Variants in GALNT9 observed in about 807,000 individuals in gnomAD.
The protein encoded by GALNT9 is polypeptide N-acetylgalactosaminyltransferase 9.
A neutral mutation model predicts 63.1 loss-of-function variants in GALNT9; 47 were observed. The ratio of observed to expected loss-of-function variants is 0.75; its 90% CI spans 0.59 to 0.95. GALNT9 has a LOEUF of 0.95. Among genes scored for constraint, GALNT9 ranks in the 40% least tolerant of loss-of-function variants. The pLI, the probability that GALNT9 is intolerant of heterozygous loss-of-function variation, is 0.00. For missense variants in GALNT9, 829 were observed against 874.8 expected (o/e 0.95, Z 0.66); for synonymous variants, 396 against 365.7 (o/e 1.08, Z -0.94).
intron 1 of GALNT9, among the ~76,000 whole-genome samples, chr12:132,294,100 C>G (rs572435051): frequency 3.3e-4 from 50 of 152,364 alleles, no homozygotes; most frequent in African/African-American, 1.1e-3. Context: ...GCTGACAGTA[C>G]TTTGATATCC....
At position 132,305,805 on chromosome 12, in the gene GALNT9, G is replaced by A. The variant is rs996302788; in HGVS notation, c.239-19375C>T. 5.9e-5 allele frequency among the ~76,000 whole-genome samples: 9 copies of A among 152,336 alleles called. No individual in the cohort carries two copies. The East Asian group carries it at 1.4e-3, about 23-fold the overall frequency. ...CCAGTGAGGCCCTCGGGTGGAGAGC[G>A]CGGCCCGAGTGCAGATGTGAGTGCC... On this transcript the variant is annotated intron_variant, in intron 1 of 10. Transcript: ENST00000328957.
intron 10 of GALNT9, 33 bp downstream of exon 10, chr12:132,197,759 C>A (rs1218637828): frequency 1.4e-6 from 2 of 1,403,158 alleles, no homozygotes; most frequent in Non-Finnish European, 2.0e-6. Flanking sequence ...TGCCCCGCCC[C>A]AACCCCACGG....
intron 7 of GALNT9, among the ~76,000 whole-genome samples, chr12:132,201,843 C>A (rs1293371937): frequency 6.6e-6 from 1 of 152,230 alleles, no homozygotes; most frequent in Non-Finnish European, 1.5e-5. Context: ...GACCCGTGTC[C>A]TCTGCCGTGA....
At chr12:132,269,909 C>G (rs1879805900) in intron 2 of GALNT9, among the ~76,000 whole-genome samples, 1 of 152,232 alleles carries the variant, frequency 6.6e-6, no homozygotes, top group African/African-American at 2.4e-5. Context: ...TAGGCCCAGC[C>G]TGTTCTACAA....
chr12:132,221,841 C>A (rs966548972), intron 6 of GALNT9, among the ~76,000 whole-genome samples: 29 of 152,052 alleles, frequency 1.9e-4, no homozygotes, highest in African/African-American at 6.0e-4. Flanking sequence ...GTAAATGCAA[C>A]CCGCACTTGC....
At chr12:132,291,728 C>G (rs77759977) in intron 1 of GALNT9, among the ~76,000 whole-genome samples, 4 of 145,816 alleles carry the variant, frequency 2.7e-5, no homozygotes, top group Admixed American at 7.0e-5. Context: ...ACAGCACCCA[C>G]GTCCACACCT....
chr12:132,230,153 C>T (rs1877837599), intron 6 of GALNT9, among the ~76,000 whole-genome samples: 1 of 152,130 alleles, frequency 6.6e-6, no homozygotes, highest in African/African-American at 2.4e-5. Context: ...GGAAGCCCAG[C>T]TGTGGAGAGG....
chr12:132,243,832 A>T (rs2136906022), intron 6 of GALNT9, among the ~76,000 whole-genome samples: 1 of 152,216 alleles, frequency 6.6e-6, no homozygotes, highest in Middle Eastern at 3.4e-3. Flanking sequence ...CCACCCGTCA[A>T]TCACCCATCA....
In GALNT9 at chr12:132,204,570, G is replaced by A. The variant is rs541251918; in HGVS notation, c.1078-880C>T. Among the ~76,000 whole-genome samples, 10 of 152,226 alleles carry A rather than the reference G, an allele frequency of 6.6e-5. No individual in the cohort carries two copies. In the South Asian group the frequency reaches 1.2e-3, roughly 19 times the overall value. ...CTTCAGGCTTGGAGCTCACGCCACC[G>A]GCTCTCCTGGGCGCCTGCCAGCCGA... On this transcript the variant is annotated intron_variant, in intron 6 of 10. Transcript: ENST00000328957.
intron 6 of GALNT9, among the ~76,000 whole-genome samples, chr12:132,241,518 A>G (rs1878352059): frequency 2.3e-5 from 3 of 128,398 alleles, no homozygotes; most frequent in Admixed American, 7.3e-5. Flanking sequence ...CCCATTACAC[A>G]CACGCCACAC....
intron 6 of GALNT9, among the ~76,000 whole-genome samples, chr12:132,231,148 C>T (rs1488423829): frequency 4.0e-5 from 3 of 75,202 alleles, no homozygotes; most frequent in Non-Finnish European, 7.1e-5. Flanking sequence ...GAGGAGACAG[C>T]GTGGAGCCCC....
chr12:132,257,492 GTCCTCATGCCCTCA>G (rs782450100), intron 5 of GALNT9, among the ~76,000 whole-genome samples, 183 bp downstream of exon 5: 14,625 of 29,512 alleles, frequency 0.5, 3,545 homozygotes, highest in Non-Finnish European at 0.62. Context: ...CCCGGCCCTC[GTCCTCATGCCCTCA>G]TCCCCACGCC....
chr12:132,276,126 G>C (rs1056409174), intron 2 of GALNT9: 44 of 152,402 alleles, frequency 2.9e-4, no homozygotes, highest in African/African-American at 9.4e-4. Context: ...GTTGTGCCCG[G>C]AGAGGCCGGG....
rs1369111776 is a variant in GALNT9 at position 132,286,281 on chromosome 12, C to A, written c.388G>T (p.Asp130Tyr). The A allele has an allele frequency of 6.4e-7, 1 of 1,551,146 alleles. No homozygotes were observed. The highest frequency in any genetic ancestry group is 1.2e-5 in the South Asian group (1 of 84,056). Residue 130 changes from aspartate to tyrosine, a missense_variant, in exon 2 of 11, where the codon GAT becomes TAT. Physicochemically the swap from Asp to Tyr is radical, Grantham distance 160. Transcript: ENST00000328957. The surrounding 1 kb of genome is among the most constrained non-coding windows in gnomAD (Gnocchi z 7.4). ...NAQLSDRISL[D>Y]RSIPDYRPRK... ...GGCCGGTAGTCGGGGATGCTCCGATCGAGGGAGATGCGGTCGCTGAGCTGA... is the reference window on the plus strand; with the variant it reads ...GGCCGGTAGTCGGGGATGCTCCGATAGAGGGAGATGCGGTCGCTGAGCTGA...
At chr12:132,262,792 C>T (rs782762465) in intron 2 of GALNT9, among the ~76,000 whole-genome samples, 167 bp from the exon 3 acceptor site, 8 of 152,142 alleles carry the variant, frequency 5.3e-5, no homozygotes, top group Non-Finnish European at 8.8e-5. Context: ...GCAGGAGACA[C>T]GGTTTGGGGT....
At chr12:132,301,867 T>G (rs553799341) in intron 1 of GALNT9, among the ~76,000 whole-genome samples, 2 of 152,328 alleles carry the variant, frequency 1.3e-5, no homozygotes, top group South Asian at 4.1e-4. Flanking sequence ...CCACATAAAG[T>G]TATGGCCACA....
chr12:132,247,629 C>T (rs782672944), intron 6 of GALNT9: 379 of 586,516 alleles, frequency 6.5e-4, no homozygotes, highest in Non-Finnish European at 1.0e-3. Flanking sequence ...CGCCCTCACC[C>T]CATCCCCAGA....
At chr12:132,228,116 C>T (rs1175858702) in intron 6 of GALNT9, among the ~76,000 whole-genome samples, 3 of 151,918 alleles carry the variant, frequency 2.0e-5, no homozygotes, top group East Asian at 1.9e-4. Flanking sequence ...GCACCAACCA[C>T]CTGTGGCTGG....
At chr12:132,284,368 C>T (rs947933933) in intron 2 of GALNT9, 2 of 152,314 alleles carry the variant, frequency 1.3e-5, no homozygotes, top group Non-Finnish European at 2.9e-5. Flanking sequence ...ACACACGAGC[C>T]GCTTTCCAAA....
Sources: gnomAD v4.1 joint callset for allele counts (sites outside exome capture counted in the v4.1 genomes callset) on GRCh38, gnomAD v4.1.1 for gene constraint, Gnocchi (gnomAD v3.1) non-coding constraint, MANE v1.5 for transcripts, NCBI Gene and HGNC (gene_info 2026-07-23, HGNC 2026-07-21) for gene names.